DOCK1: variants seen among roughly 807,000 people sequenced by gnomAD.
DOCK1 encodes the protein dedicator of cytokinesis 1.
In DOCK1, 138 loss-of-function variants were observed where a neutral mutation model predicts 262.7. That is an observed-to-expected ratio of 0.53 (90% CI 0.46 to 0.61). DOCK1 has a LOEUF of 0.61. Among genes scored for constraint, DOCK1 ranks in the 20% least tolerant of loss-of-function variants. The pLI, the probability that DOCK1 is intolerant of heterozygous loss-of-function variation, is 0.00. For synonymous variants in DOCK1, 866 were observed against 867.4 expected (o/e 1.00, Z 0.03); for missense variants, 1,908 against 2,370.7 (o/e 0.80, Z 4.05).
In DOCK1 at chr10:127,012,274, G is replaced by A; in HGVS notation, c.1101G>A (p.Met367Ile). The change falls in exon 12 of 52, where the codon ATG (methionine) becomes ATA (isoleucine). Residue 367 changes from methionine to isoleucine, a missense_variant. By Grantham distance (10) the Met-to-Ile change is conservative. Around this residue, in one of 9 missense-constraint regions of DOCK1, gnomAD observed 57 missense variants for 39.7 expected, o/e 1.44. Coordinates refer to ENST00000623213, the MANE Select transcript of DOCK1 (RefSeq NM_001290223.2). This position sits in a 1 kb window ranked among gnomAD's most constrained non-coding sequence, Gnocchi z 4.0. The part of the protein sequence containing the change: ...DDAIRHKPLN[M>I]SSRFSPRVAG... Reference sequence around the variant, plus strand: ...CCATTCGACACAAGCCGCTGAACATGTCATCCCGTTTTTCACCCAGGGTGG... The same window carrying A: ...CCATTCGACACAAGCCGCTGAACATATCATCCCGTTTTTCACCCAGGGTGG... 1.2e-6 allele frequency: 2 copies of A among 1,613,756 alleles called. No homozygotes were observed. Among genetic ancestry groups the A allele is most frequent in the Non-Finnish European group, 1.7e-6 (2 of 1,179,664 alleles).
intron 27 of DOCK1, among the ~76,000 whole-genome samples, chr10:127,177,376 C>T (rs1352134697): frequency 1.3e-5 from 2 of 152,168 alleles, no homozygotes; most frequent in Non-Finnish European, 2.9e-5. Flanking sequence ...GGGTAAAATG[C>T]CTTCACTTTA....
intron 1 of DOCK1, among the ~76,000 whole-genome samples, chr10:126,948,839 A>C (rs1317044650): frequency 6.6e-6 from 1 of 151,850 alleles, no homozygotes; most frequent in Non-Finnish European, 1.5e-5. Context: ...CTTGCCCCCT[A>C]TGCCTTTCCT....
chr10:127,093,219 T>TTTCTTTCTTTC (rs149382008), intron 23 of DOCK1, among the ~76,000 whole-genome samples: 4 of 62,916 alleles, frequency 6.4e-5, no homozygotes, highest in South Asian at 4.3e-4. Flanking sequence ...TCTTTCTTTC[T>TTTCTTTCTTTC]TTTCTTTCTT....
intron 32 of DOCK1, among the ~76,000 whole-genome samples, chr10:127,358,254 G>A (rs1316471958): frequency 6.6e-6 from 1 of 152,136 alleles, no homozygotes; most frequent in African/African-American, 2.4e-5. Context: ...CCCAGCCTCA[G>A]AGCAAGGATC....
intron 19 of DOCK1, among the ~76,000 whole-genome samples, chr10:127,041,421 G>A (rs1000307806): frequency 7.2e-5 from 11 of 152,166 alleles, no homozygotes; most frequent in African/African-American, 2.4e-4. Context: ...TTTTATGGCC[G>A]ATAACATTCC....
At chr10:127,451,307 T>C (rs1265767547) in intron 51 of DOCK1, 25 bp from the exon 52 acceptor site, 1 of 1,570,682 alleles carries the variant, frequency 6.4e-7, no homozygotes, top group East Asian at 2.4e-5. Flanking sequence ...TTATGTGACA[T>C]CTTCCCCATC....
chr10:127,349,373 C>A (rs186309308), intron 31 of DOCK1, among the ~76,000 whole-genome samples: 2 of 152,190 alleles, frequency 1.3e-5, no homozygotes, highest in Non-Finnish European at 2.9e-5. Flanking sequence ...TGCTTTTCTT[C>A]GCTCTCAGGA....
intron 27 of DOCK1, among the ~76,000 whole-genome samples, chr10:127,226,622 T>G (rs1483582681): frequency 1.3e-5 from 2 of 152,080 alleles, no homozygotes; most frequent in Non-Finnish European, 2.9e-5. Context: ...TGCGTGCCTG[T>G]AATCCCAAGT....
In DOCK1 at chr10:127,008,714, TTC is replaced by T. The variant is rs1352268130; in HGVS notation, c.986-14_986-13del. 2 of 1,572,204 alleles carry T rather than the reference TTC, an allele frequency of 1.3e-6. No homozygotes were observed. Among genetic ancestry groups the T allele is most frequent in the Admixed American group, 1.8e-5 (1 of 54,260 alleles). Reference sequence around the variant, plus strand: ...AGCATTTAAGCCAAAACAATCTCTGTTCTCTTTTTGTCTCCAGTGATGGATGT... The same window carrying T: ...AGCATTTAAGCCAAAACAATCTCTGTTCTTTTTGTCTCCAGTGATGGATGT... On this transcript the variant is annotated splice_polypyrimidine_tract_variant and intron_variant, in intron 10 of 51. Transcript: ENST00000623213.
At chr10:127,430,016 A>C (rs2069173608) in intron 47 of DOCK1, among the ~76,000 whole-genome samples, 1 of 151,984 alleles carries the variant, frequency 6.6e-6, no homozygotes, top group Admixed American at 6.6e-5. Context: ...CATCACTCCA[A>C]ACACCATGGA....
intron 1 of DOCK1, among the ~76,000 whole-genome samples, chr10:126,917,921 G>A (rs1177783723): frequency 6.6e-6 from 1 of 152,202 alleles, no homozygotes; most frequent in Non-Finnish European, 1.5e-5. Context: ...AACCCCTAAA[G>A]CAGATTCTGG....
chr10:127,301,938 T>TC (rs1205854930), intron 29 of DOCK1, among the ~76,000 whole-genome samples: 1 of 131,414 alleles, frequency 7.6e-6, no homozygotes, highest in African/African-American at 3.0e-5. Context: ...AGAACGAGAC[T>TC]CCATCTCAAA....
intron 27 of DOCK1, among the ~76,000 whole-genome samples, chr10:127,148,245 G>A (rs1289398221): frequency 1.3e-5 from 2 of 152,096 alleles, no homozygotes; most frequent in Admixed American, 1.3e-4. Context: ...GTCACTTGAG[G>A]CCACTTTGTG....
intron 27 of DOCK1, among the ~76,000 whole-genome samples, chr10:127,150,365 C>T (rs1054810358): frequency 1.4e-5 from 1 of 71,422 alleles, no homozygotes; most frequent in Non-Finnish European, 4.9e-5. Flanking sequence ...TCAGTGGGAC[C>T]CTGAGGGAAG....
At chr10:127,189,242 A>G (rs2056545343) in intron 27 of DOCK1, among the ~76,000 whole-genome samples, 1 of 152,212 alleles carries the variant, frequency 6.6e-6, no homozygotes, top group Admixed American at 6.5e-5. Flanking sequence ...GGTCACTCTC[A>G]CTGACTCTTC....
Position 127,373,842 on chromosome 10 carries a change from A to C in DOCK1, c.3494A>C (p.Gln1165Pro). Residue 1165 changes from glutamine (Q) to proline (P), a missense_variant, in exon 34 of 52, where the codon CAG becomes CCG. Transcript: ENST00000623213. ...HEVEGGRGDE[Q>P]YKVLFDKILL... ...GTCGAAGGAGGCAGAGGAGACGAAC[A>C]GTACAAAGTGTTATTTGATAAAATG... 1 of 1,610,452 alleles carries C rather than the reference A, an allele frequency of 6.2e-7. No individual in the cohort carries two copies. Among genetic ancestry groups the C allele is most frequent in the South Asian group, 1.1e-5 (1 of 89,884 alleles).
At chr10:126,943,436 C>T (rs2035166647) in intron 1 of DOCK1, among the ~76,000 whole-genome samples, 1 of 152,122 alleles carries the variant, frequency 6.6e-6, no homozygotes, top group Admixed American at 6.5e-5. Flanking sequence ...TGCAGCCTTT[C>T]TGTTAAATGG....
intron 49 of DOCK1, 51 bp downstream of exon 49, chr10:127,439,276 C>T (rs2069912191): frequency 6.4e-7 from 1 of 1,552,724 alleles, no homozygotes; most frequent in Non-Finnish European, 8.7e-7. Context: ...CAGGGACCTA[C>T]CTTTGCCCCA....
intron 27 of DOCK1, among the ~76,000 whole-genome samples, chr10:127,146,616 C>A (rs2051879341): frequency 6.6e-6 from 1 of 152,148 alleles, no homozygotes; most frequent in Non-Finnish European, 1.5e-5. Context: ...CATCTTCCTA[C>A]CCTGTCACTC....
Sources: allele counts gnomAD v4.1 joint callset (sites outside exome capture counted in the v4.1 genomes callset), GRCh38; gene constraint gnomAD v4.1.1; regional missense constraint gnomAD v4.1.1; non-coding constraint Gnocchi (gnomAD v3.1); transcripts MANE v1.5; gene names NCBI Gene and HGNC (gene_info 2026-07-23, HGNC 2026-07-21).